Variants in DDX31 observed in about 807,000 individuals in gnomAD.
DDX31 encodes the protein DEAD-box helicase 31.
In DDX31, 70 loss-of-function variants were observed where a neutral mutation model predicts 91.3. That is an observed-to-expected ratio of 0.77 (90% CI 0.63 to 0.94). The LOEUF (loss-of-function observed/expected upper bound fraction) is 0.94, where lower values mean the gene tolerates loss of function less well. DDX31 is among the 40% of genes least tolerant of loss of function. The pLI, the probability that DDX31 is intolerant of heterozygous loss-of-function variation, is 0.00. For missense variants in DDX31, 902 were observed against 925.0 expected (o/e 0.98, Z 0.32); for synonymous variants, 362 against 350.6 (o/e 1.03, Z -0.36).
chr9:132,606,790 G>A (rs896943951), intron 19 of DDX31, among the ~76,000 whole-genome samples: 1 of 152,092 alleles, frequency 6.6e-6, no homozygotes, highest in Non-Finnish European at 1.5e-5. Context: ...TCCCAGAGTC[G>A]GCATGTAAGA....
chr9:132,637,325 C>T (rs1233978805), intron 14 of DDX31, among the ~76,000 whole-genome samples: 1 of 152,152 alleles, frequency 6.6e-6, no homozygotes, highest in Non-Finnish European at 1.5e-5. Flanking sequence ...TAAGCTAATT[C>T]GAGCAAAAGA....
At position 132,625,678 on chromosome 9, in the gene DDX31, G is replaced by T; in HGVS notation, c.1699C>A (p.Arg567=). The T allele has an allele frequency of 6.2e-7, 1 of 1,613,706 alleles. No homozygotes were observed. Among genetic ancestry groups the T allele is most frequent in the South Asian group, 1.1e-5 (1 of 91,016 alleles). The change falls in exon 17 of 20, where the codon CGA becomes AGA. Residue 567 remains arginine (R), a synonymous_variant. Transcript: ENST00000372159. ...LTRDDCFKGK[R]WGAQKSHAVG... ...ACAAAACTCACCTGGGCTCCCCATC[G>T]TTTCCCTTTAAAACAATCATCTCTT...
chr9:132,612,794 T>C lies in DDX31; in HGVS notation c.1826-539A>G, dbSNP rs530824309. 2.6e-5 allele frequency among the ~76,000 whole-genome samples: 4 copies of C among 152,308 alleles called. No individual in the cohort carries two copies. The South Asian group carries it at 8.3e-4, about 32-fold the overall frequency. ...AAAAGGCTGTCTTATGACTGTCATG[T>C]TTACTATGAATGAATGACATTACCA... On this transcript the variant is annotated intron_variant, in intron 18 of 19. Coordinates refer to ENST00000372159, the MANE Select transcript of DDX31 (RefSeq NM_022779.9).
intron 19 of DDX31, 93 bp downstream of exon 19, chr9:132,611,994 G>T (rs1831365857): frequency 6.7e-7 from 1 of 1,493,542 alleles, no homozygotes; most frequent in African/African-American, 1.4e-5. Context: ...GTATGAGTGA[G>T]AAGAGAGTTG....
At chr9:132,624,573 T>C (rs1169171962) in intron 17 of DDX31, among the ~76,000 whole-genome samples, 2 of 152,238 alleles carry the variant, frequency 1.3e-5, no homozygotes, top group Non-Finnish European at 2.9e-5. Flanking sequence ...AATCCCAGAA[T>C]GACTAAAGCA....
At chr9:132,648,369 G>T (rs1833965125) in intron 10 of DDX31, 63 bp downstream of exon 10, 1 of 1,605,182 alleles carries the variant, frequency 6.2e-7, no homozygotes, top group African/African-American at 1.3e-5. Flanking sequence ...TACAGAAGTT[G>T]CAACAAGGAG....
chr9:132,643,517 A>G (rs1833629340), intron 13 of DDX31, among the ~76,000 whole-genome samples: 1 of 152,212 alleles, frequency 6.6e-6, no homozygotes, highest in Non-Finnish European at 1.5e-5. Flanking sequence ...ACACTGGATA[A>G]AGACATACAA....
chr9:132,669,726 A>G (rs909915125), intron 1 of DDX31, 134 bp downstream of exon 1: 1 of 1,532,332 alleles, frequency 6.5e-7, no homozygotes, highest in Admixed American at 2.0e-5. Context: ...CTTGTCCCGA[A>G]GCTGCCCGGT....
chr9:132,613,590 A>G (rs1564286548), intron 18 of DDX31, among the ~76,000 whole-genome samples: 1 of 152,170 alleles, frequency 6.6e-6, no homozygotes, highest in African/African-American at 2.4e-5. Flanking sequence ...GCTACTCAGG[A>G]GGCTGAGGCA....
intron 19 of DDX31, among the ~76,000 whole-genome samples, chr9:132,601,167 T>C (rs1830700695): frequency 1.3e-5 from 2 of 152,098 alleles, no homozygotes; most frequent in Admixed American, 1.3e-4. Context: ...GTGAACTGGA[T>C]GAAATCATGA....
At chr9:132,632,724 C>G (rs985034922) in intron 14 of DDX31, among the ~76,000 whole-genome samples, 1 of 152,128 alleles carries the variant, frequency 6.6e-6, no homozygotes, top group East Asian at 1.9e-4. Flanking sequence ...ACCCCCTACC[C>G]CCATCTCTTC....
At chr9:132,645,312 C>A (rs989579094) in intron 13 of DDX31, among the ~76,000 whole-genome samples, 2 of 152,312 alleles carry the variant, frequency 1.3e-5, no homozygotes, top group Admixed American at 6.5e-5. Context: ...TTGTATTCTT[C>A]TTCCTGAACA....
At chr9:132,623,592 A>C (rs1046450737) in intron 17 of DDX31, among the ~76,000 whole-genome samples, 11 of 151,754 alleles carry the variant, frequency 7.2e-5, no homozygotes, top group African/African-American at 2.4e-4. Context: ...AAAAAGAAAA[A>C]AGAAAGGTCC....
chr9:132,630,215 A>G (rs779137730), intron 16 of DDX31, 49 bp downstream of exon 16: 1 of 1,508,218 alleles, frequency 6.6e-7, no homozygotes. Context: ...AGCGACAGAA[A>G]GTTAATTAGG....
chr9:132,662,057 G>C (rs1185032597), intron 3 of DDX31, among the ~76,000 whole-genome samples: 1 of 152,110 alleles, frequency 6.6e-6, no homozygotes, highest in African/African-American at 2.4e-5. Flanking sequence ...TGGGGGAAGG[G>C]GGGGCCAGAA....
chr9:132,660,950 G>T, intron 4 of DDX31: 1 of 474,864 alleles, frequency 2.1e-6, no homozygotes, highest in Non-Finnish European at 3.7e-6. Context: ...GAAAACAGCG[G>T]CGCTCATGCA....
At chr9:132,599,452 A>G (rs1414576850) in intron 19 of DDX31, among the ~76,000 whole-genome samples, 1 of 152,254 alleles carries the variant, frequency 6.6e-6, no homozygotes, top group Non-Finnish European at 1.5e-5. Context: ...TCTGAAGGAT[A>G]TAGGAAATGT....
chr9:132,598,113 AGCTCAGGCCAACCCT>A (rs1279956449), intron 19 of DDX31, among the ~76,000 whole-genome samples: 1 of 152,128 alleles, frequency 6.6e-6, no homozygotes. Context: ...AGGTGGGAGA[AGCTCAGGCCAACCCT>A]GCAGGGGTTT....
chr9:132,611,995 AAG>A, intron 19 of DDX31, 90 bp downstream of exon 19: 3 of 1,496,102 alleles, frequency 2.0e-6, no homozygotes, highest in Non-Finnish European at 1.8e-6. Flanking sequence ...TATGAGTGAG[AAG>A]AGAGTTGCGG....
Sources: gnomAD v4.1 joint callset for allele counts (sites outside exome capture counted in the v4.1 genomes callset) on GRCh38, gnomAD v4.1.1 for gene constraint, MANE v1.5 for transcripts, NCBI Gene and HGNC (gene_info 2026-07-23, HGNC 2026-07-21) for gene names.